NKAIN2: variants seen among roughly 807,000 people sequenced by gnomAD.
NKAIN2 encodes sodium/potassium-transporting ATPase subunit beta-1-interacting protein 2.
A neutral mutation model predicts 32.6 loss-of-function variants in NKAIN2; 14 were observed. The ratio of observed to expected loss-of-function variants is 0.43; its 90% CI spans 0.28 to 0.67. NKAIN2 has a LOEUF of 0.67. Ranked by LOEUF, NKAIN2 falls within the 30% of genes least tolerant of loss-of-function variation. The probability of loss-of-function intolerance (pLI) is 0.17; values close to 1 mark genes in which losing one functional copy is unlikely to be tolerated. For synonymous variants in NKAIN2, 80 were observed against 87.2 expected (o/e 0.92, Z 0.46); for missense variants, 198 against 258.3 (o/e 0.77, Z 1.60).
chr6:124,751,993 C>T (rs891552479), intron 4 of NKAIN2, among the ~76,000 whole-genome samples: 1 of 151,892 alleles, frequency 6.6e-6, no homozygotes, highest in Non-Finnish European at 1.5e-5. Context: ...AGCAATCAAC[C>T]AACCAAACAA....
chr6:124,084,816 G>A (rs1334237642), intron 1 of NKAIN2, among the ~76,000 whole-genome samples: 1 of 151,726 alleles, frequency 6.6e-6, no homozygotes, highest in Non-Finnish European at 1.5e-5. Flanking sequence ...GAACATAGCA[G>A]GATTTATGAA....
chr6:123,950,225 A>C (rs976720625), intron 1 of NKAIN2, among the ~76,000 whole-genome samples: 3 of 151,838 alleles, frequency 2.0e-5, no homozygotes, highest in Admixed American at 6.6e-5. Flanking sequence ...ATCTATGTTC[A>C]GCAGGGATAT....
intron 3 of NKAIN2, among the ~76,000 whole-genome samples, chr6:124,628,781 T>C (rs1020721582): frequency 1.7e-4 from 26 of 152,186 alleles, no homozygotes; most frequent in Non-Finnish European, 3.7e-4. Context: ...TTCAGGTCAG[T>C]ATTATTTAGC....
chr6:124,481,905 T>G (rs1777467305), intron 3 of NKAIN2, among the ~76,000 whole-genome samples: 2 of 152,082 alleles, frequency 1.3e-5, no homozygotes, highest in Non-Finnish European at 2.9e-5. Flanking sequence ...TTGCAATGGT[T>G]TGTGGCCTTA....
intron 3 of NKAIN2, among the ~76,000 whole-genome samples, chr6:124,494,618 A>G (rs898949929): frequency 6.6e-6 from 1 of 152,174 alleles, no homozygotes; most frequent in Non-Finnish European, 1.5e-5. Flanking sequence ...AACAAAGTGA[A>G]TTGTGAATTC....
chr6:124,005,465 A>G (rs554314961), intron 1 of NKAIN2, among the ~76,000 whole-genome samples: 3 of 152,250 alleles, frequency 2.0e-5, no homozygotes, highest in Admixed American at 1.3e-4. Flanking sequence ...CATATAATAT[A>G]TATGTATGCC....
chr6:124,669,044 G>A (rs1320643789), intron 4 of NKAIN2, among the ~76,000 whole-genome samples: 2 of 152,116 alleles, frequency 1.3e-5, no homozygotes, highest in Non-Finnish European at 2.9e-5. Context: ...CATCCCGGCA[G>A]TAGTATGGAT....
chr6:124,347,568 A>G (rs1009695382), intron 2 of NKAIN2, among the ~76,000 whole-genome samples: 8 of 151,518 alleles, frequency 5.3e-5, no homozygotes, highest in East Asian at 1.9e-4. Flanking sequence ...TTCCCTTCTC[A>G]CTTCATTTCA....
chr6:124,658,608 T>C (rs539346054), intron 4 of NKAIN2: 1 of 1,133,354 alleles, frequency 8.8e-7, no homozygotes, highest in African/African-American at 1.6e-5. Flanking sequence ...TTTGTTATCA[T>C]CAGCATTTTA....
intron 5 of NKAIN2, chr6:124,804,604 C>T (rs546929887): frequency 6.4e-5 from 10 of 156,954 alleles, no homozygotes; most frequent in Non-Finnish European, 1.4e-4. Flanking sequence ...ATCTGAGGTA[C>T]CAGGTTCATC....
intron 4 of NKAIN2, among the ~76,000 whole-genome samples, chr6:124,678,020 A>T (rs1164291401): frequency 6.6e-6 from 1 of 151,900 alleles, no homozygotes; most frequent in Non-Finnish European, 1.5e-5. Context: ...TTCTTTCAGC[A>T]CTTTGAATAT....
At chr6:124,217,852 C>T (rs1186118068) in intron 1 of NKAIN2, among the ~76,000 whole-genome samples, 1 of 151,994 alleles carries the variant, frequency 6.6e-6, no homozygotes, top group Non-Finnish European at 1.5e-5. Context: ...TATATACACA[C>T]ACAAAGCTCA....
chr6:124,557,199 C>T (rs72973842), intron 3 of NKAIN2, among the ~76,000 whole-genome samples: 7,510 of 152,094 alleles, frequency 0.049, 271 homozygotes, highest in Admixed American at 0.073. Context: ...TAAAAAATAA[C>T]GGTGAGAATA....
intron 5 of NKAIN2, among the ~76,000 whole-genome samples, chr6:124,810,479 G>C (rs907986421): frequency 6.6e-6 from 1 of 151,974 alleles, no homozygotes; most frequent in Non-Finnish European, 1.5e-5. Context: ...TCTGAGGACT[G>C]TTGTGGGGTG....
chr6:124,566,425 G>A (rs1207182368), intron 3 of NKAIN2, among the ~76,000 whole-genome samples: 1 of 152,114 alleles, frequency 6.6e-6, no homozygotes, highest in Non-Finnish European at 1.5e-5. Flanking sequence ...GTGAGTGGCA[G>A]GTAGCAGGGG....
At chr6:123,889,128 C>T (rs1371614603) in intron 1 of NKAIN2, among the ~76,000 whole-genome samples, 1 of 152,116 alleles carries the variant, frequency 6.6e-6, no homozygotes, top group South Asian at 2.1e-4. Flanking sequence ...TATCATAAAT[C>T]CAAACCAGAA....
chr6:124,358,288 C>A (rs137945508), intron 3 of NKAIN2, among the ~76,000 whole-genome samples: 1 of 152,002 alleles, frequency 6.6e-6, no homozygotes, highest in Non-Finnish European at 1.5e-5. Flanking sequence ...TGGGTATGTA[C>A]CCAGTAATAG....
intron 2 of NKAIN2, among the ~76,000 whole-genome samples, chr6:124,308,241 G>A (rs765779562): frequency 6.6e-6 from 1 of 151,958 alleles, no homozygotes; most frequent in Non-Finnish European, 1.5e-5. Flanking sequence ...AACATGCGGA[G>A]TTTAGTTTTC....
At position 124,145,730 on chromosome 6, in the gene NKAIN2, C is replaced by A. The variant is rs959351598; in HGVS notation, c.55-137275C>A. Among the ~76,000 whole-genome samples the A allele has an allele frequency of 2.0e-5, 3 of 152,130 alleles. No homozygotes were observed. In the East Asian group the frequency reaches 5.8e-4, roughly 29 times the overall value. On this transcript the variant is annotated intron_variant, in intron 1 of 6. Transcript: ENST00000368417. ...CTGTGTTAGCCAGGGTGGTCTCGAT[C>A]TCATGACCTCGTGATCCACCCCCCT...
Sources: gnomAD v4.1 joint callset for allele counts (sites outside exome capture counted in the v4.1 genomes callset) on GRCh38, gnomAD v4.1.1 for gene constraint, MANE v1.5 for transcripts, NCBI Gene and HGNC (gene_info 2026-07-23, HGNC 2026-07-21) for gene names.